PALD1: variants seen among roughly 807,000 people sequenced by gnomAD.
The protein encoded by PALD1 is paladin.
A neutral mutation model predicts 96.0 loss-of-function variants in PALD1; 57 were observed. The ratio of observed to expected loss-of-function variants is 0.59; its 90% CI spans 0.48 to 0.74. PALD1 has a LOEUF of 0.74. Among genes scored for constraint, PALD1 ranks in the 30% least tolerant of loss-of-function variants. The probability of loss-of-function intolerance (pLI) is 0.00; values close to 1 mark genes in which losing one functional copy is unlikely to be tolerated. For synonymous variants in PALD1, 464 were observed against 473.6 expected, an observed-to-expected ratio of 0.98 and a Z score of 0.26; for missense variants, 1,063 against 1,143.7, an observed-to-expected ratio of 0.93 and a Z score of 1.02.
intron 1 of PALD1, among the ~76,000 whole-genome samples, chr10:70,481,480 C>T (rs148290814): frequency 6.6e-6 from 1 of 152,302 alleles, no homozygotes; most frequent in African/African-American, 2.4e-5. Flanking sequence ...GCCTCTCCAC[C>T]TCTGCATTAC....
intron 1 of PALD1, chr10:70,486,014 C>A: frequency 4.5e-6 from 1 of 220,300 alleles, no homozygotes; most frequent in South Asian, 8.6e-5. Flanking sequence ...AGCTGTTGTT[C>A]TTGGGGCATC....
At chr10:70,521,507 T>C (rs1353265184) in intron 1 of PALD1, among the ~76,000 whole-genome samples, 1 of 152,066 alleles carries the variant, frequency 6.6e-6, no homozygotes, top group Non-Finnish European at 1.5e-5. Context: ...GGGTGGGGAA[T>C]GTTCTTCCCT....
the PALD1 span, among the ~76,000 whole-genome samples, chr10:70,467,483 G>A: frequency 6.6e-6 from 1 of 152,166 alleles, no homozygotes; most frequent in Non-Finnish European, 1.5e-5. Context: ...GTGGATGTCG[G>A]GTTCATGTGT....
At chr10:70,550,680 G>A (rs924793110) in intron 18 of PALD1, among the ~76,000 whole-genome samples, 5 of 152,144 alleles carry the variant, frequency 3.3e-5, no homozygotes, top group Non-Finnish European at 1.5e-5. Flanking sequence ...TGCCTCTGTG[G>A]ATTTGCATGG....
chr10:70,541,287 G>A, intron 16 of PALD1, 45 bp downstream of exon 16: 1 of 1,576,254 alleles, frequency 6.3e-7, no homozygotes, highest in Non-Finnish European at 8.6e-7. Context: ...GCCTGGAGGA[G>A]GGTAGACACT....
At chr10:70,526,190 G>C in intron 2 of PALD1, 54 bp downstream of exon 2, 1 of 1,495,370 alleles carries the variant, frequency 6.7e-7, no homozygotes, top group Non-Finnish European at 9.3e-7. Flanking sequence ...TGGGCGGGGG[G>C]ACCTGCTTGG....
intron 1 of PALD1, among the ~76,000 whole-genome samples, chr10:70,490,963 T>A (rs1846087248): frequency 6.6e-6 from 1 of 151,140 alleles, no homozygotes; most frequent in South Asian, 2.1e-4. Flanking sequence ...ACCCACTTCT[T>A]TTTTTTTTGG....
chr10:70,503,787 T>G (rs1313535336), intron 1 of PALD1, among the ~76,000 whole-genome samples: 2 of 152,260 alleles, frequency 1.3e-5, no homozygotes, highest in African/African-American at 4.8e-5. Context: ...CTTTAACTTT[T>G]ATGTGTTCTG....
At chr10:70,476,200 A>C (rs572774018), upstream of PALD1, among the ~76,000 whole-genome samples, 5 of 152,138 alleles carry the variant, frequency 3.3e-5, no homozygotes, top group Non-Finnish European at 5.9e-5. Context: ...CTGAGCTTCC[A>C]GATTTCTCAG....
intron 1 of PALD1, among the ~76,000 whole-genome samples, chr10:70,482,219 C>T (rs891997112): frequency 6.6e-6 from 1 of 152,130 alleles, no homozygotes; most frequent in Admixed American, 6.5e-5. Flanking sequence ...CCACTAGTCC[C>T]TCCTTAGCCC....
At chr10:70,483,674 G>A (rs1845971006) in intron 1 of PALD1, among the ~76,000 whole-genome samples, 1 of 152,210 alleles carries the variant, frequency 6.6e-6, no homozygotes. Context: ...CCTCTGTCTG[G>A]CCTTCCCAGA....
intron 1 of PALD1, among the ~76,000 whole-genome samples, chr10:70,482,969 G>A (rs1301128314): frequency 6.6e-6 from 1 of 152,166 alleles, no homozygotes; most frequent in East Asian, 1.9e-4. Flanking sequence ...GGACCAGCGT[G>A]GCATCTTGAT....
At chr10:70,555,502 G>T (rs1847587699) in intron 18 of PALD1, among the ~76,000 whole-genome samples, 1 of 152,184 alleles carries the variant, frequency 6.6e-6, no homozygotes, top group Non-Finnish European at 1.5e-5. Context: ...TGTGGTGGCA[G>T]AGAAGGGAAG....
the PALD1 span, among the ~76,000 whole-genome samples, chr10:70,467,180 G>T: frequency 6.6e-6 from 1 of 152,064 alleles, no homozygotes; most frequent in Middle Eastern, 3.2e-3. Context: ...GAGAAAGCAG[G>T]GTTTCATTCT....
chr10:70,534,735 C>T lies in PALD1; in HGVS notation c.1123-4C>T, dbSNP rs770732202. On this transcript the variant is annotated splice_polypyrimidine_tract_variant and splice_region_variant and intron_variant, in intron 9 of 19. Transcript: ENST00000263563. The stretch of plus-strand genomic sequence containing the variant: ...CTCTTACTTGCCTTGGTCTCTGGCA[C>T]CAGGTGGACAGAGCCATCACTGCCT... 11 of 1,600,958 alleles carry T rather than the reference C, an allele frequency of 6.9e-6. No individual in the cohort carries two copies. In the South Asian group the frequency reaches 1.0e-4, roughly 15 times the overall value.
At chr10:70,538,773 T>A in intron 12 of PALD1, 119 bp from the exon 13 acceptor site, 1 of 833,606 alleles carries the variant, frequency 1.2e-6, no homozygotes, top group South Asian at 1.5e-5. Flanking sequence ...GCAGGAGTGC[T>A]TTGTAAACTG....
In PALD1 at chr10:70,533,987, C is replaced by T. The variant is rs1847052367; in HGVS notation, c.936C>T (p.Cys312=). The change falls in exon 8 of 20, where the codon TGC becomes TGT. Residue 312 remains cysteine, a synonymous_variant. Coordinates refer to ENST00000263563, the MANE Select transcript of PALD1 (RefSeq NM_014431.3). The stretch of plus-strand genomic sequence containing the variant: ...CTCCCCCAGCCCTCGTCTTCAGCTG[C>T]CAGATGGGCGTGGGCAGGACCAACC... ...HGPPPALVFS[C]QMGVGRTNLG... 6.2e-7 allele frequency: 1 copy of T among 1,613,218 alleles called. No homozygotes were observed. The highest frequency in any genetic ancestry group is 8.5e-7 in the Non-Finnish European group (1 of 1,179,668).
At chr10:70,483,797 A>T (rs761080446) in intron 1 of PALD1, among the ~76,000 whole-genome samples, 12 of 151,996 alleles carry the variant, frequency 7.9e-5, no homozygotes, top group Non-Finnish European at 1.2e-4. Flanking sequence ...GAAGGAGTTA[A>T]CCCCTTTCCT....
intron 1 of PALD1, among the ~76,000 whole-genome samples, chr10:70,516,814 C>T (rs1440667346): frequency 6.6e-6 from 1 of 152,168 alleles, no homozygotes; most frequent in Non-Finnish European, 1.5e-5. Context: ...CTGACTCGAC[C>T]TCTCAATGTG....
Sources: gnomAD v4.1 joint callset for allele counts (sites outside exome capture counted in the v4.1 genomes callset) on GRCh38, gnomAD v4.1.1 for gene constraint, MANE v1.5 for transcripts, NCBI Gene and HGNC (gene_info 2026-07-23, HGNC 2026-07-21) for gene names.